The following GTF2H5 variants were observed in gnomAD, a reference collection of about 807,000 sequenced individuals.
GTF2H5 encodes general transcription factor IIH subunit 5, also known as TFB5 ortholog.
GTF2H5 carries 5 observed loss-of-function variants against 7.1 expected under a neutral mutation model. That is an observed-to-expected ratio of 0.71 (90% CI 0.37 to 1.49). The LOEUF is 1.49. GTF2H5 is among the 40% of genes most tolerant of loss of function. The probability of loss-of-function intolerance (pLI) is 0.03; values close to 1 mark genes in which losing one functional copy is unlikely to be tolerated. For missense variants in GTF2H5, 80 were observed against 83.0 expected, an observed-to-expected ratio of 0.96 and a Z score of 0.14; for synonymous variants, 30 against 31.7, an observed-to-expected ratio of 0.95 and a Z score of 0.18.
rs1335140971 is a variant in GTF2H5, at chr6:158,194,251, G to C, written c.*2094G>C. 3 of 152,168 alleles carry C rather than the reference G, an allele frequency of 2.0e-5. No homozygotes were observed. In the East Asian group the frequency reaches 5.8e-4, roughly 29 times the overall value. The allele number at this position is 152,168 out of a possible 1,614,324, so 9.4% of individuals were successfully genotyped here. ...CAGTGACTGTGTTGTACCCGAGCAA[G>C]TTAGAGGAACGCCACACTTTGAGAC... On this transcript the variant is annotated 3_prime_UTR_variant, in exon 3 of 3. Coordinates refer to ENST00000607778, the MANE Select transcript of GTF2H5 (RefSeq NM_207118.3).
chr6:158,169,752 A>T (rs1359473849), intron 1 of GTF2H5, among the ~76,000 whole-genome samples: 2 of 66,372 alleles, frequency 3.0e-5, no homozygotes, highest in East Asian at 7.9e-4. Flanking sequence ...ATATTATATA[A>T]TATATTGTAT....
chr6:158,175,166 T>C (rs1785917458), intron 2 of GTF2H5, among the ~76,000 whole-genome samples: 1 of 152,188 alleles, frequency 6.6e-6, no homozygotes, highest in South Asian at 2.1e-4. Flanking sequence ...CCAAATTTAT[T>C]AATGTTCCTT....
chr6:158,184,128 A>C (rs1776856965), intron 2 of GTF2H5, among the ~76,000 whole-genome samples: 1 of 152,210 alleles, frequency 6.6e-6, no homozygotes, highest in African/African-American at 2.4e-5. Context: ...GCATGGTTAC[A>C]CATGAGAGCA....
chr6:158,190,749 A>T (rs1777013236), intron 2 of GTF2H5: 1 of 388,924 alleles, frequency 2.6e-6, no homozygotes, highest in African/African-American at 2.1e-5. Context: ...ATTGATATTG[A>T]CATTTCTCAA....
chr6:158,173,884 G>A (rs534820371), intron 2 of GTF2H5, among the ~76,000 whole-genome samples: 3 of 152,204 alleles, frequency 2.0e-5, no homozygotes, highest in African/African-American at 4.8e-5. Flanking sequence ...TGGATTATTC[G>A]TGAGTTTTCT....
chr6:158,172,419 C>T (rs1299718718), intron 2 of GTF2H5, among the ~76,000 whole-genome samples: 2 of 151,634 alleles, frequency 1.3e-5, no homozygotes, highest in East Asian at 1.9e-4. Context: ...CTCAGCTGCC[C>T]GAGTAGCTGG....
chr6:158,174,560 C>T (rs1243344401), intron 2 of GTF2H5, among the ~76,000 whole-genome samples: 1 of 152,120 alleles, frequency 6.6e-6, no homozygotes, highest in African/African-American at 2.4e-5. Context: ...TGAAAATTTC[C>T]TCTTTGTTGG....
At position 158,198,764 on chromosome 6, in the gene GTF2H5, A is replaced by T. The variant is rs1777152416; in HGVS notation, c.*6607A>T. On this transcript the variant is annotated 3_prime_UTR_variant, in exon 3 of 3. Transcript: ENST00000607778. ...GATTGCAGGAGCGTTCTCTCGGCTCATCTCTTGTTTTCTCACCCAGCTGTT... is the reference window on the plus strand; with the variant it reads ...GATTGCAGGAGCGTTCTCTCGGCTCTTCTCTTGTTTTCTCACCCAGCTGTT... The T allele has an allele frequency of 6.6e-6, 1 of 152,168 alleles. No individual in the cohort carries two copies. 9.4% of individuals were successfully genotyped at this position (152,168 alleles called of 1,614,324 possible).
intron 2 of GTF2H5, among the ~76,000 whole-genome samples, chr6:158,172,593 C>G (rs1785872978): frequency 6.6e-6 from 1 of 152,158 alleles, no homozygotes; most frequent in Non-Finnish European, 1.5e-5. Flanking sequence ...CCACTGCACC[C>G]AGCCTAGCTT....
intron 2 of GTF2H5, among the ~76,000 whole-genome samples, chr6:158,180,861 T>C (rs1236488369): frequency 6.6e-6 from 1 of 151,518 alleles, no homozygotes; most frequent in Non-Finnish European, 1.5e-5. Context: ...GGTTTTTTTG[T>C]CTCTATCTCC....
intron 2 of GTF2H5, among the ~76,000 whole-genome samples, chr6:158,178,990 A>G (rs1366951642): frequency 6.6e-6 from 1 of 152,148 alleles, no homozygotes; most frequent in Admixed American, 6.5e-5. Context: ...TGTTATGTTT[A>G]AGTCTTTGAT....
At chr6:158,190,952 C>G in intron 2 of GTF2H5, 1 of 513,852 alleles carries the variant, frequency 1.9e-6, no homozygotes. Context: ...GAAATTGTAT[C>G]CCTCTTTTCC....
rs1777046750 is a variant in GTF2H5, at chr6:158,192,718, G to A, written c.*561G>A. ...GGGTTAGAAACAACCAGTGGGAAAG[G>A]CACATGCTGCTTTGTTTAGTTTTTC... On this transcript the variant is annotated 3_prime_UTR_variant, in exon 3 of 3. Coordinates refer to ENST00000607778, the MANE Select transcript of GTF2H5 (RefSeq NM_207118.3). The A allele has an allele frequency of 6.4e-6, 1 of 155,292 alleles. No individual in the cohort carries two copies. Among genetic ancestry groups the A allele is most frequent in the African/African-American group, 2.4e-5 (1 of 41,380 alleles). 9.6% of individuals were successfully genotyped at this position (155,292 alleles called of 1,614,324 possible).
In GTF2H5 at chr6:158,193,534, A is replaced by G. The variant is rs1372107621; in HGVS notation, c.*1377A>G. ...AAGCACCTGTGTACCATATTTATTC[A>G]CTTACACAGCATTACTGAATCTGGA... On this transcript the variant is annotated 3_prime_UTR_variant, in exon 3 of 3. Coordinates refer to ENST00000607778, the MANE Select transcript of GTF2H5 (RefSeq NM_207118.3). 6.6e-6 allele frequency: 1 copy of G among 152,126 alleles called. No homozygotes were observed. The highest frequency in any genetic ancestry group is 1.5e-5 in the Non-Finnish European group (1 of 68,036). 9.4% of individuals were successfully genotyped at this position (152,126 alleles called of 1,614,324 possible). A position where few individuals can be genotyped will look rare whatever the true frequency, so the allele number is the denominator to read the frequency against.
At chr6:158,177,199 T>G (rs1161042073) in intron 2 of GTF2H5, among the ~76,000 whole-genome samples, 1 of 152,236 alleles carries the variant, frequency 6.6e-6, no homozygotes, top group Non-Finnish European at 1.5e-5. Flanking sequence ...TCCTCTCACA[T>G]GGTCTTGGCA....
chr6:158,187,768 G>A (rs554176683), intron 2 of GTF2H5, among the ~76,000 whole-genome samples: 40 of 152,210 alleles, frequency 2.6e-4, no homozygotes, highest in South Asian at 1.5e-3. Flanking sequence ...GGGTTTCACC[G>A]TGTTATCCAG....
At chr6:158,171,718 A>G (rs556711856) in intron 2 of GTF2H5, among the ~76,000 whole-genome samples, 1 of 152,238 alleles carries the variant, frequency 6.6e-6, no homozygotes, top group African/African-American at 2.4e-5. Flanking sequence ...TACTGTGATC[A>G]TGAGCAATCT....
In GTF2H5 at chr6:158,170,486, T is replaced by A. The variant is rs1414099659; in HGVS notation, c.-18T>A. ...TTTTATTAGCATTCTTCAGGTCATC[T>A]GAACCTTCTGAGAAAACATGGTCAA... On this transcript the variant is annotated 5_prime_UTR_variant, in exon 2 of 3. Transcript: ENST00000607778. The A allele has an allele frequency of 6.2e-7, 1 of 1,601,846 alleles. No individual in the cohort carries two copies. Among genetic ancestry groups the A allele is most frequent in the South Asian group, 1.1e-5 (1 of 90,858 alleles).
intron 2 of GTF2H5, among the ~76,000 whole-genome samples, chr6:158,187,221 CCT>C (rs779689116): frequency 6.6e-5 from 10 of 151,974 alleles, no homozygotes; most frequent in Non-Finnish European, 1.5e-4. Flanking sequence ...GTCTCGAACT[CCT>C]GACCTCAGGT....
Sources: allele counts gnomAD v4.1 joint callset (sites outside exome capture counted in the v4.1 genomes callset), GRCh38; gene constraint gnomAD v4.1.1; transcripts MANE v1.5; gene names NCBI Gene and HGNC (gene_info 2026-07-23, HGNC 2026-07-21).